The following ZNF536 variants were observed in gnomAD, a reference collection of about 807,000 sequenced individuals.
ZNF536 encodes zinc finger protein 536.
In ZNF536, 13 loss-of-function variants were observed where a neutral mutation model predicts 84.5. The observed-to-expected ratio is 0.15, with a 90% confidence interval of 0.10 to 0.24. The LOEUF is 0.24. ZNF536 is among the 10% of genes least tolerant of loss of function. The pLI, the probability that ZNF536 is intolerant of heterozygous loss-of-function variation, is 1.00. For synonymous variants in ZNF536, 811 were observed against 742.5 expected, an observed-to-expected ratio of 1.09 and a Z score of -1.50; for missense variants, 1,536 against 1,747.5, an observed-to-expected ratio of 0.88 and a Z score of 2.16.
intron 2 of ZNF536, among the ~76,000 whole-genome samples, chr19:30,294,894 G>T (rs938454230): frequency 6.6e-5 from 10 of 152,178 alleles, no homozygotes; most frequent in African/African-American, 2.2e-4. Flanking sequence ...AAGGAGTGCT[G>T]CTCTTGGAGT....
At chr19:30,286,393 G>A (rs2045627517) in intron 2 of ZNF536, among the ~76,000 whole-genome samples, 1 of 152,142 alleles carries the variant, frequency 6.6e-6, no homozygotes, top group African/African-American at 2.4e-5. Flanking sequence ...AACAGGTTTT[G>A]CCCTTGGTAC....
At chr19:30,420,398 G>A (rs1395041886) in intron 1 of ZNF536, among the ~76,000 whole-genome samples, 4 of 152,122 alleles carry the variant, frequency 2.6e-5, no homozygotes, top group African/African-American at 9.7e-5. Flanking sequence ...AGCTCCTGGG[G>A]AGGCATATTA....
intron 1 of ZNF536, among the ~76,000 whole-genome samples, chr19:30,419,487 C>T (rs1354558569): frequency 6.6e-6 from 1 of 152,212 alleles, no homozygotes; most frequent in African/African-American, 2.4e-5. Flanking sequence ...AATGCCCTTT[C>T]TCTGTAACCA....
chr19:30,588,972 A>G (rs1054530050), intron 1 of ZNF536, among the ~76,000 whole-genome samples: 2 of 152,194 alleles, frequency 1.3e-5, no homozygotes, highest in Non-Finnish European at 2.9e-5. Flanking sequence ...TTGGGATGTG[A>G]GGTGTGGCCA....
At chr19:30,677,338 T>A (rs2050787600) in intron 1 of ZNF536, among the ~76,000 whole-genome samples, 1 of 152,228 alleles carries the variant, frequency 6.6e-6, no homozygotes. Flanking sequence ...CAGGTGACCA[T>A]GTGCAGGCAT....
intron 3 of ZNF536, among the ~76,000 whole-genome samples, chr19:30,535,655 G>A (rs927691341): frequency 6.6e-6 from 1 of 151,924 alleles, no homozygotes; most frequent in Non-Finnish European, 1.5e-5. Flanking sequence ...CTGGCAACAG[G>A]GAGTTCTGTG....
chr19:30,709,324 C>G (rs958283304), intron 1 of ZNF536, among the ~76,000 whole-genome samples: 1 of 152,160 alleles, frequency 6.6e-6, no homozygotes, highest in Non-Finnish European at 1.5e-5. Context: ...CGACAACTTT[C>G]GCTGCTGCCC....
intron 1 of ZNF536, among the ~76,000 whole-genome samples, chr19:30,269,888 G>A (rs1179722779): frequency 6.6e-6 from 1 of 152,178 alleles, no homozygotes; most frequent in African/African-American, 2.4e-5. Flanking sequence ...CCCGCTTCTA[G>A]CTGGTTCCAG....
At chr19:30,364,083 G>A (rs1011681467) in intron 3 of ZNF536, among the ~76,000 whole-genome samples, 1 of 152,204 alleles carries the variant, frequency 6.6e-6, no homozygotes, top group Admixed American at 6.5e-5. Context: ...ATAAGAGCAG[G>A]CAAGCGTGGA....
At chr19:30,598,685 C>T (rs1345536393) in intron 1 of ZNF536, among the ~76,000 whole-genome samples, 2 of 151,930 alleles carry the variant, frequency 1.3e-5, no homozygotes, top group South Asian at 2.1e-4. Flanking sequence ...GTGATTTTAC[C>T]CCATGGAACA....
intron 2 of ZNF536, among the ~76,000 whole-genome samples, chr19:30,293,797 G>A (rs940675534): frequency 6.6e-5 from 10 of 152,188 alleles, no homozygotes; most frequent in African/African-American, 1.4e-4. Flanking sequence ...AATGTGCAGC[G>A]CTGCCTGAGC....
chr19:30,682,693 C>T (rs769193689), intron 1 of ZNF536, among the ~76,000 whole-genome samples: 2 of 152,172 alleles, frequency 1.3e-5, no homozygotes, highest in Admixed American at 6.5e-5. Flanking sequence ...CTCTCTGCCT[C>T]CCCTCAGCCC....
chr19:30,701,058 C>T (rs146385729), intron 1 of ZNF536, among the ~76,000 whole-genome samples: 18 of 152,254 alleles, frequency 1.2e-4, no homozygotes, highest in African/African-American at 3.6e-4. Context: ...GGATGCAGGA[C>T]GCCCTTCTGC....
At chr19:30,494,937 C>T (rs934796641) in intron 2 of ZNF536, among the ~76,000 whole-genome samples, 5 of 136,512 alleles carry the variant, frequency 3.7e-5, no homozygotes, top group African/African-American at 1.4e-4. Context: ...CAGAGTGAGA[C>T]TCCGTCTCAA....
intron 2 of ZNF536, among the ~76,000 whole-genome samples, chr19:30,458,834 C>T (rs953068678): frequency 6.6e-6 from 1 of 152,164 alleles, no homozygotes; most frequent in African/African-American, 2.4e-5. Context: ...TGGGGAGACT[C>T]TCTTCTATCT....
At chr19:30,295,454 T>C (rs1840895228) in intron 2 of ZNF536, among the ~76,000 whole-genome samples, 1 of 152,262 alleles carries the variant, frequency 6.6e-6, no homozygotes, top group Middle Eastern at 3.4e-3. Flanking sequence ...AAAACAACAT[T>C]GGGCCCCAAC....
At chr19:30,667,098 G>A (rs2050352542) in intron 1 of ZNF536, among the ~76,000 whole-genome samples, 2 of 152,108 alleles carry the variant, frequency 1.3e-5, no homozygotes, top group Admixed American at 1.3e-4. Context: ...TGTAAGCTGG[G>A]CCCTCTTGTC....
rs551687399 is a variant in ZNF536 at position 30,293,616 on chromosome 19, G to A, written c.-120+9475G>A. On this transcript the variant is annotated intron_variant, in intron 2 of 5. Coordinates refer to the ZNF536 transcript ENST00000585628. ...CAGTGGTTTTCATGAACTTTTGGCTGTGGTTTAGGCCTGGCAGAGCTGGAC... is the reference window on the plus strand; with the variant it reads ...CAGTGGTTTTCATGAACTTTTGGCTATGGTTTAGGCCTGGCAGAGCTGGAC... Among the ~76,000 whole-genome samples, 8 of 152,320 alleles carry A rather than the reference G, an allele frequency of 5.3e-5. No individual in the cohort carries two copies. The South Asian group carries it at 1.0e-3, about 20-fold the overall frequency.
At chr19:30,625,878 T>G (rs1249868977) in intron 1 of ZNF536, among the ~76,000 whole-genome samples, 1 of 152,182 alleles carries the variant, frequency 6.6e-6, no homozygotes, top group Non-Finnish European at 1.5e-5. Flanking sequence ...ACCTATTCAT[T>G]CCCATGTCTC....
Sources: allele counts gnomAD v4.1 joint callset (sites outside exome capture counted in the v4.1 genomes callset), GRCh38; gene constraint gnomAD v4.1.1; transcripts MANE v1.5; gene names NCBI Gene and HGNC (gene_info 2026-07-23, HGNC 2026-07-21).